ZBTB7C: variants seen among roughly 807,000 people sequenced by gnomAD.
The protein encoded by ZBTB7C is zinc finger and BTB domain containing 7C.
Under a neutral mutation model 25.7 loss-of-function variants are expected in ZBTB7C, and 8 were observed. That is an observed-to-expected ratio of 0.31 (90% CI 0.18 to 0.56). ZBTB7C has a LOEUF of 0.56. Ranked by LOEUF, ZBTB7C falls within the 20% of genes least tolerant of loss-of-function variation. The probability of loss-of-function intolerance (pLI) is 0.91; values close to 1 mark genes in which losing one functional copy is unlikely to be tolerated. For synonymous variants in ZBTB7C, 394 were observed against 369.0 expected, an observed-to-expected ratio of 1.07 and a Z score of -0.78; for missense variants, 824 against 855.2, an observed-to-expected ratio of 0.96 and a Z score of 0.46.
intron 3 of ZBTB7C, among the ~76,000 whole-genome samples, chr18:48,083,213 A>G (rs1490946162): frequency 6.6e-6 from 1 of 152,116 alleles, no homozygotes; most frequent in Admixed American, 6.6e-5. Context: ...GCTATGACCT[A>G]CTAGATTGAT....
rs1568404240 is a variant in ZBTB7C at position 48,367,282 on chromosome 18, A to ATGT, written c.-303-28885_-303-28884insACA. On this transcript the variant is annotated intron_variant, in intron 1 of 4. Transcript: ENST00000590800. ...ATAGTATATATGTATATGTATATGT[A>ATGT]AATATGTATCTATACATATATGTAT... Among the ~76,000 whole-genome samples the ATGT allele has an allele frequency of 5.9e-5, 8 of 135,060 alleles. No individual in the cohort carries two copies. The East Asian group carries it at 1.4e-3, about 24-fold the overall frequency. The allele number at this position is 135,060 out of a possible 152,430, so 88.6% of individuals were successfully genotyped here.
chr18:48,084,140 G>C lies in ZBTB7C; in HGVS notation c.-16-43017C>G, dbSNP rs532023264. ...GGGTGGTGTTGAGGAAGGAAGCAGTGGGGCACGTCTCCTAGCCCCGGAGCA... is the reference window on the plus strand; with the variant it reads ...GGGTGGTGTTGAGGAAGGAAGCAGTCGGGCACGTCTCCTAGCCCCGGAGCA... On this transcript the variant is annotated intron_variant, in intron 3 of 4. Coordinates refer to ENST00000590800, the MANE Select transcript of ZBTB7C (RefSeq NM_001318841.2). Among the ~76,000 whole-genome samples, 10 of 152,286 alleles carry C rather than the reference G, an allele frequency of 6.6e-5. 1 individual carries two copies. In the South Asian group the frequency reaches 1.9e-3, roughly 28 times the overall value.
intron 3 of ZBTB7C, among the ~76,000 whole-genome samples, chr18:48,046,976 G>T (rs1312964446): frequency 6.6e-6 from 1 of 152,158 alleles, no homozygotes; most frequent in East Asian, 1.9e-4. Context: ...TTCTCACTGC[G>T]CCTTGGTTTG....
intron 2 of ZBTB7C, among the ~76,000 whole-genome samples, chr18:48,282,681 A>G (rs1488034291): frequency 6.6e-6 from 1 of 152,240 alleles, no homozygotes; most frequent in Non-Finnish European, 1.5e-5. Context: ...GAGAATGTAC[A>G]AATTACAACT....
At chr18:48,405,608 G>A (rs111573015) in intron 1 of ZBTB7C, among the ~76,000 whole-genome samples, 170 of 152,322 alleles carry the variant, frequency 1.1e-3, no homozygotes, top group African/African-American at 3.8e-3. Context: ...AGATAAAAGT[G>A]TGGAAAATCC....
chr18:48,347,607 C>T (rs1259907795), intron 1 of ZBTB7C, among the ~76,000 whole-genome samples: 3 of 152,162 alleles, frequency 2.0e-5, no homozygotes, highest in African/African-American at 7.2e-5. Context: ...CAAGGCTTCA[C>T]ATGCTATGGG....
Position 48,215,912 on chromosome 18 carries a change from G to A in ZBTB7C, c.-78-29917C>T, listed in dbSNP as rs186011456. ...CTTTGATTTTCCTTCAGGGCCTGCT[G>A]TCATGTGATGCTATACTAAAGTCAG... is the stretch of plus-strand genomic sequence containing the variant. On this transcript the variant is annotated intron_variant, in intron 2 of 4. Coordinates refer to ENST00000590800, the MANE Select transcript of ZBTB7C (RefSeq NM_001318841.2). 6.8e-3 allele frequency among the ~76,000 whole-genome samples: 1,038 copies of A among 152,362 alleles called. 8 individuals carry two copies. Among genetic ancestry groups the A allele is most frequent in the South Asian group, 0.022 (104 of 4,832 alleles).
chr18:48,123,573 C>A (rs1390388164), intron 3 of ZBTB7C, among the ~76,000 whole-genome samples: 1 of 152,234 alleles, frequency 6.6e-6, no homozygotes, highest in Admixed American at 6.5e-5. Context: ...CCCTCCCTCC[C>A]CCTGCCTCTT....
intron 3 of ZBTB7C, among the ~76,000 whole-genome samples, chr18:48,088,745 G>A (rs568190414): frequency 5.3e-5 from 8 of 152,192 alleles, no homozygotes; most frequent in African/African-American, 1.2e-4. Flanking sequence ...CACGAGAATC[G>A]CTCAAACCTG....
chr18:48,225,780 G>T (rs910104478), intron 2 of ZBTB7C, among the ~76,000 whole-genome samples: 1 of 151,908 alleles, frequency 6.6e-6, no homozygotes, highest in African/African-American at 2.4e-5. Flanking sequence ...GTCTCACTCT[G>T]TCACCAGGCT....
At chr18:48,180,791 T>C (rs1393628122) in intron 3 of ZBTB7C, among the ~76,000 whole-genome samples, 1 of 152,200 alleles carries the variant, frequency 6.6e-6, no homozygotes, top group African/African-American at 2.4e-5. Context: ...TACAGCCTCC[T>C]AGAACATCAC....
At chr18:48,243,525 C>A (rs149232874) in intron 2 of ZBTB7C, among the ~76,000 whole-genome samples, 2,443 of 152,120 alleles carry the variant, frequency 0.016, 76 homozygotes, top group African/African-American at 0.056. Context: ...AAATCATAGA[C>A]AACACAAACA....
intron 2 of ZBTB7C, among the ~76,000 whole-genome samples, chr18:48,218,916 CA>C (rs762710486): frequency 6.6e-6 from 1 of 152,092 alleles, no homozygotes; most frequent in Non-Finnish European, 1.5e-5. Context: ...CAGCTCTCAG[CA>C]AAAGGCATGT....
chr18:48,376,135 T>C (rs978909725), intron 1 of ZBTB7C, among the ~76,000 whole-genome samples: 13 of 152,254 alleles, frequency 8.5e-5, no homozygotes, highest in African/African-American at 3.1e-4. Flanking sequence ...ACACTTTGAA[T>C]CTAAGAACTG....
chr18:48,258,753 G>C (rs2044089374), intron 2 of ZBTB7C, among the ~76,000 whole-genome samples: 1 of 152,022 alleles, frequency 6.6e-6, no homozygotes, highest in South Asian at 2.1e-4. Context: ...CATCTCCCAG[G>C]TTCAAACAAT....
At position 48,137,409 on chromosome 18, in the gene ZBTB7C, T is replaced by TG. The variant is rs1434312351; in HGVS notation, c.-17+48524dup. The TG allele has an allele frequency of 5.0e-5, 43 of 861,872 alleles. No individual in the cohort carries two copies. The South Asian group carries it at 1.2e-3, about 24-fold the overall frequency. The allele number at this position is 861,872 out of a possible 1,614,324, so 53.4% of individuals were successfully genotyped here. A position where few individuals can be genotyped will look rare whatever the true frequency, so the allele number is the denominator to read the frequency against. The stretch of plus-strand genomic sequence containing the variant: ...CCGGGTTCCTCCGTTTTGTTTTTTG[T>TG]GGGTTTCCCCCCACTCTCCTTCTCT... On this transcript the variant is annotated intron_variant, in intron 3 of 4. Transcript: ENST00000590800.
chr18:48,327,105 C>A (rs1247976162), intron 2 of ZBTB7C, among the ~76,000 whole-genome samples: 5 of 152,136 alleles, frequency 3.3e-5, no homozygotes, highest in Non-Finnish European at 7.4e-5. Flanking sequence ...CAGAGAAAGC[C>A]CGGTCTGCTG....
At chr18:48,282,367 C>G (rs1017959677) in intron 2 of ZBTB7C, among the ~76,000 whole-genome samples, 3 of 149,696 alleles carry the variant, frequency 2.0e-5, no homozygotes, top group Non-Finnish European at 4.4e-5. Flanking sequence ...TGCTAAATGA[C>G]GAGTTAATGG....
chr18:48,269,954 T>G (rs2044425487), intron 2 of ZBTB7C, among the ~76,000 whole-genome samples: 1 of 152,274 alleles, frequency 6.6e-6, no homozygotes, highest in East Asian at 1.9e-4. Context: ...AGCCAGCTAA[T>G]GTTGTTACAA....
Sources: gnomAD v4.1 joint callset for allele counts (sites outside exome capture counted in the v4.1 genomes callset) on GRCh38, gnomAD v4.1.1 for gene constraint, MANE v1.5 for transcripts, NCBI Gene and HGNC (gene_info 2026-07-23, HGNC 2026-07-21) for gene names.